The following AGPAT3 variants were observed in gnomAD, a reference collection of about 807,000 sequenced individuals.
AGPAT3 encodes the protein 1-acylglycerol-3-phosphate O-acyltransferase 3.
In AGPAT3, 5 loss-of-function variants were observed where a neutral mutation model predicts 47.3. The observed-to-expected ratio is 0.11, with a 90% CI of 0.06 to 0.22. The LOEUF is 0.22. AGPAT3 is among the 10% of genes least tolerant of loss of function. The probability of loss-of-function intolerance (pLI) is 1.00; values close to 1 mark genes in which losing one functional copy is unlikely to be tolerated. For missense variants in AGPAT3, 315 were observed against 493.0 expected, an observed-to-expected ratio of 0.64 and a Z score of 3.42; for synonymous variants, 212 against 208.3, an observed-to-expected ratio of 1.02 and a Z score of -0.15.
At chr21:43,949,736 C>G (rs747849139) in intron 2 of AGPAT3, among the ~76,000 whole-genome samples, 1 of 152,204 alleles carries the variant, frequency 6.6e-6, no homozygotes, top group Admixed American at 6.5e-5. Context: ...CTGTGGTTTC[C>G]TCATAGAGGC....
chr21:43,881,412 G>A lies in AGPAT3; in HGVS notation c.-112+16067G>A, dbSNP rs567157887. ...AGAAAAGGGAGGTGGGAAGGATGTC[G>A]CCCTCAGAGAACGTGTCATACCTCA... On this transcript the variant is annotated intron_variant, in intron 1 of 9. Coordinates refer to ENST00000291572, the MANE Select transcript of AGPAT3 (RefSeq NM_020132.5). Among the ~76,000 whole-genome samples the A allele has an allele frequency of 4.6e-5, 7 of 152,278 alleles. No individual in the cohort carries two copies. The South Asian group carries it at 1.5e-3, about 32-fold the overall frequency.
intron 1 of AGPAT3, among the ~76,000 whole-genome samples, chr21:43,892,435 C>T (rs1418805876): frequency 1.3e-5 from 2 of 152,192 alleles, no homozygotes; most frequent in East Asian, 1.9e-4. Flanking sequence ...TGGGTGACCA[C>T]GTGCATTGGC....
intron 1 of AGPAT3, among the ~76,000 whole-genome samples, chr21:43,889,383 A>G (rs150153190): frequency 1.3e-5 from 2 of 151,552 alleles, no homozygotes; most frequent in Admixed American, 1.3e-4. Context: ...AATCACAATC[A>G]TGATTGGATG....
At position 43,905,149 on chromosome 21, in the gene AGPAT3, A is replaced by T. The variant is rs992812276; in HGVS notation, c.-49+1130A>T. Among the ~76,000 whole-genome samples the T allele has an allele frequency of 5.5e-5, 8 of 146,052 alleles. No individual in the cohort carries two copies. In the South Asian group the frequency reaches 1.3e-3, roughly 24 times the overall value. On this transcript the variant is annotated intron_variant, in intron 2 of 9. Coordinates refer to ENST00000291572, the MANE Select transcript of AGPAT3 (RefSeq NM_020132.5). ...ACTGTATTTAGTGTCTCTTTTTTTA[A>T]AAAAAATATTTATTTATTTATTTAT...
At chr21:43,896,841 A>G (rs1403189884) in intron 1 of AGPAT3, among the ~76,000 whole-genome samples, 1 of 115,138 alleles carries the variant, frequency 8.7e-6, no homozygotes, top group Non-Finnish European at 1.9e-5. Flanking sequence ...TGTCTCTTTT[A>G]TTTTTTTATT....
Position 43,928,910 on chromosome 21 carries a change from A to C in AGPAT3, c.-49+24891A>C, listed in dbSNP as rs542654336. On this transcript the variant is annotated intron_variant, in intron 2 of 9. Coordinates refer to ENST00000291572, the MANE Select transcript of AGPAT3 (RefSeq NM_020132.5). ...GGAGTTTGTGCCTTGGCCCCACCCT[A>C]GGTGGCTCCGGCAGGTTCCTCAGCT... is the stretch of plus-strand genomic sequence containing the variant. Among the ~76,000 whole-genome samples the C allele has an allele frequency of 9.2e-5, 14 of 152,250 alleles. No individual in the cohort carries two copies. The South Asian group carries it at 2.9e-3, about 32-fold the overall frequency.
intron 2 of AGPAT3, among the ~76,000 whole-genome samples, chr21:43,924,314 C>T (rs750951943): frequency 6.6e-5 from 10 of 152,146 alleles, no homozygotes; most frequent in Middle Eastern, 3.4e-3. Flanking sequence ...CGTGAGCCAT[C>T]GCGCCGAGCC....
At chr21:43,875,550 TCA>T (rs1449223465) in intron 1 of AGPAT3, among the ~76,000 whole-genome samples, 1 of 152,244 alleles carries the variant, frequency 6.6e-6, no homozygotes, top group Non-Finnish European at 1.5e-5. Context: ...GGTTATTTCT[TCA>T]GCTGTCTTCC....
chr21:43,973,521 G>A (rs1315023698), intron 7 of AGPAT3, among the ~76,000 whole-genome samples: 3 of 152,198 alleles, frequency 2.0e-5, no homozygotes, highest in Admixed American at 6.5e-5. Context: ...CCGGCCACCC[G>A]CCAAGCTGCA....
intron 1 of AGPAT3, among the ~76,000 whole-genome samples, chr21:43,875,956 CTTTTTTT>C (rs965428828): frequency 2.0e-5 from 3 of 150,890 alleles, no homozygotes; most frequent in Admixed American, 1.3e-4. Flanking sequence ...TTTCTTTTTT[CTTTTTTT>C]TTGTTGGTAG....
Position 43,971,581 on chromosome 21 carries a change from C to T in AGPAT3, c.767+91C>T, listed in dbSNP as rs1365749413. 7 of 1,172,488 alleles carry T rather than the reference C, an allele frequency of 6.0e-6. No homozygotes were observed. The African/African-American group carries it at 6.0e-5, about 10-fold the overall frequency. 72.6% of individuals were successfully genotyped at this position (1,172,488 alleles called of 1,614,324 possible). ...GCCAGGAGGGTGGCTGGGTCCAGGC[C>T]CCACGTCCCACAGCCCCGCAGGGTG... On this transcript the variant is annotated intron_variant, in intron 7 of 9. Coordinates refer to ENST00000291572, the MANE Select transcript of AGPAT3 (RefSeq NM_020132.5).
At chr21:43,906,330 C>G (rs2086492978) in intron 2 of AGPAT3, among the ~76,000 whole-genome samples, 1 of 152,072 alleles carries the variant, frequency 6.6e-6, no homozygotes, top group Non-Finnish European at 1.5e-5. Context: ...TGCAGCTCCC[C>G]CCCGCCCAAG....
chr21:43,892,698 C>G (rs1277782884), intron 1 of AGPAT3, among the ~76,000 whole-genome samples: 1 of 152,220 alleles, frequency 6.6e-6, no homozygotes, highest in East Asian at 1.9e-4. Flanking sequence ...GAAAGTCAGC[C>G]TGTCCCTTGA....
At chr21:43,923,404 T>C (rs1469638300) in intron 2 of AGPAT3, among the ~76,000 whole-genome samples, 1 of 152,202 alleles carries the variant, frequency 6.6e-6, no homozygotes, top group African/African-American at 2.4e-5. Flanking sequence ...ACTCTCATAC[T>C]CAACACAGAA....
At chr21:43,973,179 C>T (rs1376439199) in intron 7 of AGPAT3, among the ~76,000 whole-genome samples, 1 of 152,256 alleles carries the variant, frequency 6.6e-6, no homozygotes, top group African/African-American at 2.4e-5. Flanking sequence ...GCGTTCTTCT[C>T]CCGACCCGGG....
rs114942390 is a variant in AGPAT3 at position 43,981,853 on chromosome 21, G to T, written c.1043-451G>T. On this transcript the variant is annotated intron_variant, in intron 9 of 9. Coordinates refer to ENST00000291572, the MANE Select transcript of AGPAT3 (RefSeq NM_020132.5). The surrounding 1 kb of genome is among the most constrained non-coding windows in gnomAD (Gnocchi z 5.3). ...GCCTTGGTGGGAGGGGTCCTGAGAG[G>T]CAGTGACTGCCACCAGCCTCTCCCA... 4.2e-3 allele frequency among the ~76,000 whole-genome samples: 636 copies of T among 152,292 alleles called. 5 individuals are homozygous for T. Among genetic ancestry groups the T allele is most frequent in the African/African-American group, 0.014 (597 of 41,562 alleles).
chr21:43,984,254 C>T lies in AGPAT3; in HGVS notation c.*1862C>T, dbSNP rs146888793. 4.2e-3 allele frequency: 645 copies of T among 152,442 alleles called. 4 individuals are homozygous for T. Among genetic ancestry groups the T allele is most frequent in the Non-Finnish European group, 7.2e-3 (491 of 68,084 alleles). The allele number at this position is 152,442 out of a possible 1,614,324, so 9.4% of individuals were successfully genotyped here. A position where few individuals can be genotyped will look rare whatever the true frequency, so the allele number is the denominator to read the frequency against. The stretch of plus-strand genomic sequence containing the variant: ...GCAGCTGTGCCGTGGGCAGGGCATG[C>T]GCTCCCCTGGCTGAGCACCCCAGAG... On this transcript the variant is annotated 3_prime_UTR_variant, in exon 10 of 10. Transcript: ENST00000291572.
At position 43,933,998 on chromosome 21, in the gene AGPAT3, C is replaced by T. The variant is rs970993891; in HGVS notation, c.-48-25636C>T. ...TGTGGACTGGCCACACCTGGTGTGC[C>T]GCTTCCTTTCTCAGTCATGGCCAGC... is the stretch of plus-strand genomic sequence containing the variant. On this transcript the variant is annotated intron_variant, in intron 2 of 9. Coordinates refer to ENST00000291572, the MANE Select transcript of AGPAT3 (RefSeq NM_020132.5). This position sits in a 1 kb window ranked among gnomAD's most constrained non-coding sequence, Gnocchi z 6.0. Among the ~76,000 whole-genome samples the T allele has an allele frequency of 3.3e-5, 5 of 152,220 alleles. No individual in the cohort carries two copies. Among genetic ancestry groups the T allele is most frequent in the Non-Finnish European group, 7.3e-5 (5 of 68,028 alleles).
At position 43,934,493 on chromosome 21, in the gene AGPAT3, C is replaced by T. The variant is rs558399651; in HGVS notation, c.-48-25141C>T. On this transcript the variant is annotated intron_variant, in intron 2 of 9. Transcript: ENST00000291572. The surrounding 1 kb of genome is among the most constrained non-coding windows in gnomAD (Gnocchi z 4.7). ...GGCCTCCACTAGGATGTTATACAGG[C>T]AGCATGGCTTAGGTGTCAGAGACGG... Among the ~76,000 whole-genome samples, 11 of 152,374 alleles carry T rather than the reference C, an allele frequency of 7.2e-5. No homozygotes were observed. The East Asian group carries it at 1.9e-3, about 27-fold the overall frequency.
Sources: gnomAD v4.1 joint callset for allele counts (sites outside exome capture counted in the v4.1 genomes callset) on GRCh38, gnomAD v4.1.1 for gene constraint, Gnocchi (gnomAD v3.1) non-coding constraint, MANE v1.5 for transcripts, NCBI Gene and HGNC (gene_info 2026-07-23, HGNC 2026-07-21) for gene names.